Variants in PPP4R3B observed in about 807,000 individuals in gnomAD.
PPP4R3B encodes the protein protein phosphatase 4 regulatory subunit 3B.
PPP4R3B carries 52 observed loss-of-function variants against 95.4 expected under a neutral mutation model. That is an observed-to-expected ratio of 0.54 (90% confidence interval 0.44 to 0.69). PPP4R3B has a LOEUF of 0.69. PPP4R3B is among the 30% of genes least tolerant of loss of function. The pLI, the probability that PPP4R3B is intolerant of heterozygous loss-of-function variation, is 0.00. For synonymous variants in PPP4R3B, 407 were observed against 343.9 expected, an observed-to-expected ratio of 1.18 and a Z score of -2.03; for missense variants, 1,003 against 1,005.9, an observed-to-expected ratio of 1.00 and a Z score of 0.04.
chr2:55,602,040 G>C (rs1448002034), intron 3 of PPP4R3B, among the ~76,000 whole-genome samples: 2 of 152,154 alleles, frequency 1.3e-5, no homozygotes, highest in Non-Finnish European at 2.9e-5. Flanking sequence ...GCTGGATTTT[G>C]CTGACTATCA....
At chr2:55,560,446 A>G (rs1158867856) in intron 15 of PPP4R3B, among the ~76,000 whole-genome samples, 1 of 152,114 alleles carries the variant, frequency 6.6e-6, no homozygotes, top group African/African-American at 2.4e-5. Context: ...ATGATTTAGG[A>G]TATCTGGTGG....
At position 55,551,045 on chromosome 2, in the gene PPP4R3B, TA is replaced by T. The variant is rs199754753; in HGVS notation, c.2455-1040del. ...AATTCTAATGACACCACGTTTTATGTAAAAAAAAACAAAAACAAAAACAAAA... is the reference window on the plus strand; with the variant it reads ...AATTCTAATGACACCACGTTTTATGTAAAAAAAACAAAAACAAAAACAAAA... On this transcript the variant is annotated intron_variant, in intron 16 of 16. Transcript: ENST00000616407. 3.3e-5 allele frequency among the ~76,000 whole-genome samples: 5 copies of T among 150,680 alleles called. No homozygotes were observed. The East Asian group carries it at 7.8e-4, about 23-fold the overall frequency.
At chr2:55,591,731 T>C (rs1403799295) in intron 4 of PPP4R3B, 1 of 826,322 alleles carries the variant, frequency 1.2e-6, no homozygotes, top group African/African-American at 1.8e-5. Flanking sequence ...CAATCTCAAT[T>C]ATTACAGTCC....
intron 12 of PPP4R3B, among the ~76,000 whole-genome samples, chr2:55,568,829 G>A (rs1427473355): frequency 1.3e-5 from 2 of 152,216 alleles, no homozygotes; most frequent in African/African-American, 4.8e-5. Context: ...CCCACCATGA[G>A]CTAAGATTGC....
At chr2:55,559,701 C>G (rs1004783909) in intron 15 of PPP4R3B, among the ~76,000 whole-genome samples, 1 of 152,162 alleles carries the variant, frequency 6.6e-6, no homozygotes, top group Non-Finnish European at 1.5e-5. Context: ...GCCTCCCCAG[C>G]TATGTGGAAT....
At chr2:55,597,623 A>AAAACAAAC (rs113216757) in intron 4 of PPP4R3B, among the ~76,000 whole-genome samples, 101,846 of 148,752 alleles carry the variant, frequency 0.68, 35,581 homozygotes, top group African/African-American at 0.72. Context: ...CTCCGTCTCA[A>AAAACAAAC]AAACAAACAA....
At chr2:55,592,708 G>A (rs1691206000) in intron 4 of PPP4R3B, among the ~76,000 whole-genome samples, 1 of 152,024 alleles carries the variant, frequency 6.6e-6, no homozygotes. Context: ...GCAGAAATAT[G>A]TATATAATAT....
At chr2:55,612,015 G>A (rs1044592048) in intron 2 of PPP4R3B, among the ~76,000 whole-genome samples, 2 of 152,162 alleles carry the variant, frequency 1.3e-5, no homozygotes, top group Non-Finnish European at 2.9e-5. Context: ...TTGCAGGTGT[G>A]AGCCACCATG....
At chr2:55,608,717 G>A (rs931954594) in intron 2 of PPP4R3B, among the ~76,000 whole-genome samples, 3 of 152,188 alleles carry the variant, frequency 2.0e-5, no homozygotes, top group Non-Finnish European at 2.9e-5. Flanking sequence ...GGATATGGAG[G>A]CTCATGCCTG....
At chr2:55,572,455 T>C (rs1190100648) in intron 12 of PPP4R3B, among the ~76,000 whole-genome samples, 2 of 152,058 alleles carry the variant, frequency 1.3e-5, no homozygotes, top group Non-Finnish European at 1.5e-5. Context: ...CAGATAAAAA[T>C]GCAAAGTACA....
intron 16 of PPP4R3B, 110 bp downstream of exon 16, chr2:55,558,665 T>G: frequency 3.9e-6 from 3 of 770,982 alleles, no homozygotes; most frequent in Non-Finnish European, 6.2e-6. Context: ...ACAGAAAAAT[T>G]CTAAACAATT....
intron 9 of PPP4R3B, among the ~76,000 whole-genome samples, chr2:55,579,081 C>T (rs1333206626): frequency 6.6e-6 from 1 of 152,080 alleles, no homozygotes; most frequent in East Asian, 1.9e-4. Flanking sequence ...CCAAAGGATT[C>T]TGCACTCAGA....
At chr2:55,608,232 C>T (rs1014003404) in intron 2 of PPP4R3B, among the ~76,000 whole-genome samples, 21 of 152,258 alleles carry the variant, frequency 1.4e-4, no homozygotes, top group African/African-American at 3.6e-4. Context: ...CTTGAACCCC[C>T]GACCTCAGGT....
Position 55,586,621 on chromosome 2 carries a change from T to C in PPP4R3B, c.1113A>G (p.Val371=), listed in dbSNP as rs199689343. Residue 371 remains valine, a synonymous_variant, in exon 6 of 17, where the codon GTA becomes GTG. Transcript: ENST00000616407. ...TGAAAAGAAACGGCATAATTACCAT[T>C]ACAATTTCAAGAGCAGGAAGAATTC... The part of the protein sequence containing the change: ...KLGILPALEI[V]MGMDDLQVRS... 4.4e-6 allele frequency: 7 copies of C among 1,580,814 alleles called. No homozygotes were observed. Among genetic ancestry groups the C allele is most frequent in the Non-Finnish European group, 6.1e-6 (7 of 1,156,596 alleles).
rs908399244 is a variant in PPP4R3B at position 55,615,190 on chromosome 2, G to T, written c.198+261C>A. 39 of 386,474 alleles carry T rather than the reference G, an allele frequency of 1.0e-4. No individual in the cohort carries two copies. Among genetic ancestry groups the T allele is most frequent in the African/African-American group, 7.7e-4 (36 of 46,582 alleles). 23.9% of individuals were successfully genotyped at this position (386,474 alleles called of 1,614,324 possible). A position where few individuals can be genotyped will look rare whatever the true frequency, so the allele number is the denominator to read the frequency against. ...GGTTTCATGTACAAGGTATAGAAGA[G>T]ACTTGGCTAACTACAGTTAAATAAT... On this transcript the variant is annotated intron_variant, in intron 2 of 16. Coordinates refer to ENST00000616407, the MANE Select transcript of PPP4R3B (RefSeq NM_001122964.3).
At position 55,585,116 on chromosome 2, in the gene PPP4R3B, G is replaced by A. The variant is rs1386337183; in HGVS notation, c.1168C>T (p.Leu390=). Residue 390 remains leucine, a synonymous_variant, in exon 7 of 17, where the codon CTA becomes TTA. Coordinates refer to ENST00000616407, the MANE Select transcript of PPP4R3B (RefSeq NM_001122964.3). ...ACCATAGATGGACTAAATTCTACTA[G>A]ATAAGAAAATATATCTGTAGCAGCT... ...RSAATDIFSY[L]VEFSPSMVRE... is the part of the protein sequence containing the mutation. The A allele has an allele frequency of 5.6e-6, 9 of 1,611,178 alleles. No homozygotes were observed. Among genetic ancestry groups the A allele is most frequent in the Admixed American group, 1.7e-5 (1 of 59,678 alleles).
rs187049747 is a variant in PPP4R3B at position 55,590,931 on chromosome 2, T to C, written c.922-1975A>G. ...ACATGCTCTTCTACTAAAAATCAAT[T>C]GGTGCTACTCAAAGACAAGACACTG... is the stretch of plus-strand genomic sequence containing the variant. On this transcript the variant is annotated intron_variant, in intron 4 of 16. Transcript: ENST00000616407. Among the ~76,000 whole-genome samples, 24 of 152,206 alleles carry C rather than the reference T, an allele frequency of 1.6e-4. No homozygotes were observed. The East Asian group carries it at 4.6e-3, about 29-fold the overall frequency.
intron 15 of PPP4R3B, among the ~76,000 whole-genome samples, chr2:55,559,760 T>C (rs1020080608): frequency 6.6e-6 from 1 of 152,228 alleles, no homozygotes. Context: ...TCTCAGGTAG[T>C]TCTTTAGAGC....
chr2:55,588,844 A>C lies in PPP4R3B; in HGVS notation c.999+35T>G, dbSNP rs199944800. On this transcript the variant is annotated intron_variant, in intron 5 of 16. Coordinates refer to ENST00000616407, the MANE Select transcript of PPP4R3B (RefSeq NM_001122964.3). Reference sequence around the variant, plus strand: ...TAAAAGCTGTGCATGCCAAAAGAATAAGTGCTCTTTAAGAGTTTGAATTTC... The same window carrying C: ...TAAAAGCTGTGCATGCCAAAAGAATCAGTGCTCTTTAAGAGTTTGAATTTC... 3.6e-4 allele frequency: 518 copies of C among 1,425,704 alleles called. 2 individuals are homozygous for C. The African/African-American group carries it at 6.8e-3, about 19-fold the overall frequency. 88.3% of individuals were successfully genotyped at this position (1,425,704 alleles called of 1,614,324 possible).
Sources: allele counts gnomAD v4.1 joint callset (sites outside exome capture counted in the v4.1 genomes callset), GRCh38; gene constraint gnomAD v4.1.1; transcripts MANE v1.5; gene names NCBI Gene and HGNC (gene_info 2026-07-23, HGNC 2026-07-21).